The following STS variants were observed in gnomAD, a reference collection of about 807,000 sequenced individuals.
STS encodes steryl-sulfatase.
Under a neutral mutation model 26.8 loss-of-function variants are expected in STS, and 7 were observed. That is an observed-to-expected ratio of 0.26 (90% CI 0.15 to 0.49). The LOEUF is 0.49. Among genes scored for constraint, STS ranks in the 20% least tolerant of loss-of-function variants. The pLI is 0.98. For missense variants in STS, 434 were observed against 465.6 expected (o/e 0.93, Z 0.63); for synonymous variants, 199 against 189.4 (o/e 1.05, Z -0.42).
chrX:7,323,499 A>C (rs1351148107), intron 8 of STS, among the ~76,000 whole-genome samples: 1 of 111,471 alleles, frequency 9.0e-6, no homozygotes, highest in Non-Finnish European at 1.9e-5. Context: ...TCCTGCATTA[A>C]TTCACTTAGG....
At chrX:7,304,307 C>T (rs1569218920) in intron 7 of STS, among the ~76,000 whole-genome samples, 1 of 111,879 alleles carries the variant, frequency 8.9e-6, no homozygotes, top group Non-Finnish European at 1.9e-5. Flanking sequence ...AAATTCTCTA[C>T]ATGTAGACAG....
intron 2 of STS, among the ~76,000 whole-genome samples, chrX:7,192,587 C>T (rs190614288): frequency 9.2e-6 from 1 of 108,596 alleles, no homozygotes; most frequent in East Asian, 2.9e-4. Flanking sequence ...AATAGATGAA[C>T]GGCAGTTTCA....
At chrX:7,205,720 A>G (rs769848414) in intron 2 of STS, among the ~76,000 whole-genome samples, 1 of 102,077 alleles carries the variant, frequency 9.8e-6, no homozygotes, top group South Asian at 4.7e-4. Flanking sequence ...TGATGCGATC[A>G]TAGCAATCTC....
chrX:7,293,737 T>C (rs762856245), intron 7 of STS, among the ~76,000 whole-genome samples: 1 of 112,013 alleles, frequency 8.9e-6, no homozygotes, highest in Admixed American at 9.5e-5. Context: ...GTTTTTCTTC[T>C]CTCTCCACTT....
chrX:7,299,067 A>G (rs1925818675), intron 7 of STS, among the ~76,000 whole-genome samples: 1 of 94,339 alleles, frequency 1.1e-5, no homozygotes, highest in South Asian at 4.3e-4. Flanking sequence ...ATATTTATTT[A>G]TATATAAATT....
chrX:7,159,155 G>A (rs1933192866), intron 1 of STS, among the ~76,000 whole-genome samples: 1 of 108,538 alleles, frequency 9.2e-6, no homozygotes, highest in Non-Finnish European at 1.9e-5. Context: ...CCTAAATGCT[G>A]TAAAAACAAA....
intron 1 of STS, among the ~76,000 whole-genome samples, chrX:7,175,622 A>G (rs147873749): frequency 3.5e-4 from 39 of 112,462 alleles, no homozygotes; most frequent in African/African-American, 1.2e-3. Context: ...AACACCCAGC[A>G]TATTGTTAGC....
chrX:7,177,602 T>G (rs1391393782), intron 1 of STS, among the ~76,000 whole-genome samples: 2 of 108,871 alleles, frequency 1.8e-5, no homozygotes, highest in South Asian at 8.1e-4. Context: ...AACCTCTGCC[T>G]CCTGGGTTCA....
intron 10 of STS, among the ~76,000 whole-genome samples, chrX:7,336,171 T>C (rs1928012887): frequency 9.0e-6 from 1 of 111,052 alleles, no homozygotes; most frequent in African/African-American, 3.3e-5. Flanking sequence ...AGTTCCTTCT[T>C]TGGAGGTAAA....
chrX:7,236,487 G>A (rs776974870), intron 2 of STS, among the ~76,000 whole-genome samples: 4 of 112,140 alleles, frequency 3.6e-5, no homozygotes, highest in African/African-American at 6.5e-5. Context: ...AGCAAAGGTC[G>A]TTCTGTTTTG....
At chrX:7,149,285 A>G (rs1426545172) in intron 1 of STS, among the ~76,000 whole-genome samples, 2 of 111,377 alleles carry the variant, frequency 1.8e-5, no homozygotes, top group African/African-American at 6.5e-5. Context: ...GTGTATTTCT[A>G]GTTTAGTGCA....
chrX:7,205,587 T>C (rs79002531), intron 2 of STS, among the ~76,000 whole-genome samples: 1 of 47,297 alleles, frequency 2.1e-5, no homozygotes, highest in Admixed American at 1.5e-4. Context: ...TTTGGTTTTC[T>C]TTTTCTTTTT....
At chrX:7,161,342 T>G (rs1400057957) in intron 1 of STS, among the ~76,000 whole-genome samples, 1 of 112,001 alleles carries the variant, frequency 8.9e-6, no homozygotes, top group Non-Finnish European at 1.9e-5. Flanking sequence ...ACAGTATACT[T>G]GTGTATGTAA....
intron 1 of STS, among the ~76,000 whole-genome samples, chrX:7,183,726 G>A (rs1208071324): frequency 1.8e-5 from 2 of 112,017 alleles, no homozygotes; most frequent in Admixed American, 9.5e-5. Context: ...AATACCGGCC[G>A]GGCATAGTGG....
chrX:7,177,992 A>G (rs1032418975), intron 1 of STS, among the ~76,000 whole-genome samples: 1 of 109,627 alleles, frequency 9.1e-6, no homozygotes, highest in Non-Finnish European at 1.9e-5. Flanking sequence ...GGGTCTCGCT[A>G]TGTTGGCTAG....
chrX:7,279,940 G>GGT (rs1490460072), intron 7 of STS, among the ~76,000 whole-genome samples: 6 of 111,848 alleles, frequency 5.4e-5, no homozygotes, highest in African/African-American at 2.0e-4. Context: ...GAGGCTTGCA[G>GGT]GTTAGGTACA....
At chrX:7,204,200 C>T (rs752557127) in intron 2 of STS, among the ~76,000 whole-genome samples, 32 of 111,662 alleles carry the variant, frequency 2.9e-4, no homozygotes, top group East Asian at 5.6e-4. Context: ...CTTCAAAAAT[C>T]GAGAATATTC....
chrX:7,338,530 C>T, intron 10 of STS, among the ~76,000 whole-genome samples: 1 of 111,684 alleles, frequency 9.0e-6, no homozygotes, highest in South Asian at 3.8e-4. Context: ...ACGGGATCTC[C>T]ATGAAGCTAT....
intron 8 of STS, among the ~76,000 whole-genome samples, chrX:7,324,699 C>A (rs1341202656): frequency 3.6e-5 from 4 of 111,132 alleles, no homozygotes; most frequent in Non-Finnish European, 7.5e-5. Flanking sequence ...ATGTCCAATC[C>A]CCTGTTTCCA....
Sources: allele counts gnomAD v4.1 joint callset (sites outside exome capture counted in the v4.1 genomes callset), GRCh38; gene constraint gnomAD v4.1.1; transcripts MANE v1.5; gene names NCBI Gene and HGNC (gene_info 2026-07-23, HGNC 2026-07-21).